The following ANO4 variants were observed in gnomAD, a reference collection of about 807,000 sequenced individuals.
ANO4 encodes the protein anoctamin-4.
A neutral mutation model predicts 141.9 loss-of-function variants in ANO4; 69 were observed. That is an observed-to-expected ratio of 0.49 (90% CI 0.40 to 0.59). The LOEUF is 0.59. Ranked by LOEUF, ANO4 falls within the 20% of genes least tolerant of loss-of-function variation. The probability of loss-of-function intolerance (pLI) is 0.00; values close to 1 mark genes in which losing one functional copy is unlikely to be tolerated. For synonymous variants in ANO4, 350 were observed against 394.3 expected (o/e 0.89, Z 1.33); for missense variants, 894 against 1,162.2 (o/e 0.77, Z 3.36).
rs767571101 is a variant in ANO4 at position 101,083,688 on chromosome 12, G to A, written c.1406G>A (p.Arg469Gln). The A allele has an allele frequency of 6.8e-6, 11 of 1,606,058 alleles. No individual in the cohort carries two copies. The South Asian group carries it at 9.0e-5, about 13-fold the overall frequency. Residue 469 changes from arginine to glutamine, a missense_variant, in exon 16 of 28, where the codon CGA (arginine) becomes CAA (glutamine). Physicochemically the swap from Arg to Gln is conservative, Grantham distance 43 (BLOSUM62 1). This residue lies in a region of ANO4 where 637 missense variants were observed against 909.2 expected (regional missense o/e 0.70). Coordinates refer to ENST00000392977, the MANE Select transcript of ANO4 (RefSeq NM_001286615.2). Reference protein sequence around the residue: ...IDWEEEEEEIRPQFEAKYSKK... With the variant: ...IDWEEEEEEIQPQFEAKYSKK... ...CTGCTTGTCCTTTAGGAAGAAATAC[G>A]ACCCCAGTTTGAAGCCAAGTATTCC...
chr12:100,982,511 T>G (rs1042829627), intron 7 of ANO4, among the ~76,000 whole-genome samples: 1 of 152,234 alleles, frequency 6.6e-6, no homozygotes, highest in African/African-American at 2.4e-5. Context: ...TGAACTTTTA[T>G]TGGGAAAAGA....
intron 17 of ANO4, among the ~76,000 whole-genome samples, chr12:101,091,870 A>G (rs2049791452): frequency 6.6e-6 from 1 of 152,080 alleles, no homozygotes; most frequent in Non-Finnish European, 1.5e-5. Context: ...TTTAAAATTT[A>G]TATTATTTTT....
At chr12:101,125,299 T>A (rs2051262521) in intron 26 of ANO4, among the ~76,000 whole-genome samples, 1 of 152,190 alleles carries the variant, frequency 6.6e-6, no homozygotes, top group Non-Finnish European at 1.5e-5. Context: ...ATACTAATGA[T>A]TTTTGCACAT....
At position 100,742,640 on chromosome 12, in the gene ANO4, CT is replaced by C. The variant is rs569437293; in HGVS notation, c.358+2537del. On this transcript the variant is annotated intron_variant, in intron 3 of 29. Transcript: ENST00000644049. The stretch of plus-strand genomic sequence containing the variant: ...ATTATTCATGGATTGTGAGAATTTT[CT>C]TATGTTTAAGAATTTCCCAAACACA... 1.6e-3 allele frequency among the ~76,000 whole-genome samples: 241 copies of C among 152,222 alleles called. 1 individual carries two copies. The highest frequency in any genetic ancestry group is 2.9e-3 in the Admixed American group (45 of 15,294).
intron 5 of ANO4, among the ~76,000 whole-genome samples, chr12:100,964,464 A>G (rs1257709301): frequency 6.9e-6 from 1 of 145,094 alleles, no homozygotes; most frequent in African/African-American, 2.5e-5. Flanking sequence ...TGCATTCACT[A>G]TGATTTTTTT....
chr12:100,768,463 G>C (rs560415025), intron 3 of ANO4, among the ~76,000 whole-genome samples: 6 of 152,116 alleles, frequency 3.9e-5, no homozygotes, highest in African/African-American at 1.4e-4. Context: ...TCTTTGGGGG[G>C]ACCAGCACTG....
chr12:100,887,801 A>G (rs2039912255), intron 1 of ANO4, among the ~76,000 whole-genome samples: 1 of 152,186 alleles, frequency 6.6e-6, no homozygotes, highest in African/African-American at 2.4e-5. Context: ...TAAACTTACA[A>G]TTGCCTACTT....
chr12:100,979,809 G>A (rs1477773176), intron 7 of ANO4, among the ~76,000 whole-genome samples: 1 of 151,584 alleles, frequency 6.6e-6, no homozygotes, highest in Non-Finnish European at 1.5e-5. Context: ...CTCACTGCAA[G>A]CTCCGCCTCC....
intron 1 of ANO4, among the ~76,000 whole-genome samples, chr12:100,808,795 T>C (rs1221078369): frequency 1.3e-5 from 2 of 152,216 alleles, no homozygotes; most frequent in African/African-American, 2.4e-5. Flanking sequence ...TTTTATCTCT[T>C]CTGACCCTAT....
intron 22 of ANO4, among the ~76,000 whole-genome samples, chr12:101,106,795 T>G (rs1027100360): frequency 1.3e-5 from 2 of 151,842 alleles, no homozygotes; most frequent in African/African-American, 4.8e-5. Flanking sequence ...TATGGAAGTT[T>G]GTTATATCAT....
intron 1 of ANO4, among the ~76,000 whole-genome samples, chr12:100,799,850 G>A (rs908932638): frequency 1.3e-5 from 2 of 152,152 alleles, no homozygotes; most frequent in East Asian, 1.9e-4. Flanking sequence ...TAGCACCTGG[G>A]CCGGATGACT....
chr12:101,065,640 G>T (rs532808699), intron 14 of ANO4, among the ~76,000 whole-genome samples: 1 of 152,082 alleles, frequency 6.6e-6, no homozygotes, highest in Non-Finnish European at 1.5e-5. Flanking sequence ...GTAAAGAAAA[G>T]CCCAGGACCC....
At chr12:100,754,415 A>G (rs1453601047) in intron 3 of ANO4, among the ~76,000 whole-genome samples, 2 of 151,964 alleles carry the variant, frequency 1.3e-5, no homozygotes, top group African/African-American at 2.4e-5. Context: ...TTCCCAGTCT[A>G]TTCCAACCCC....
rs555351369 is a variant in ANO4, at chr12:101,085,321, A to G, written c.1537-1339A>G. 3.3e-5 allele frequency among the ~76,000 whole-genome samples: 5 copies of G among 152,216 alleles called. No individual in the cohort carries two copies. The South Asian group carries it at 6.2e-4, about 19-fold the overall frequency. ...TCAGATTTGCATTAAAGTCAGCCCT[A>G]TGTGTCTGTGGGTTCTGCATTTATG... On this transcript the variant is annotated intron_variant, in intron 16 of 27. Transcript: ENST00000392977.
chr12:100,946,097 C>A (rs1428655732), intron 5 of ANO4, among the ~76,000 whole-genome samples: 1 of 152,112 alleles, frequency 6.6e-6, no homozygotes, highest in Non-Finnish European at 1.5e-5. Context: ...GCAAAGAGAA[C>A]AGCTCCACAG....
chr12:101,027,260 C>A (rs963235765), intron 9 of ANO4, among the ~76,000 whole-genome samples: 1 of 152,202 alleles, frequency 6.6e-6, no homozygotes, highest in African/African-American at 2.4e-5. Context: ...GAACCCACGC[C>A]ACTGGGACCT....
chr12:100,838,741 G>A (rs959861519), intron 1 of ANO4, among the ~76,000 whole-genome samples: 1 of 152,162 alleles, frequency 6.6e-6, no homozygotes, highest in African/African-American at 2.4e-5. Context: ...AATGGGGCAG[G>A]TGGGAATGCT....
chr12:100,959,588 G>A (rs549219378), intron 5 of ANO4, among the ~76,000 whole-genome samples: 28 of 152,244 alleles, frequency 1.8e-4, no homozygotes, highest in African/African-American at 6.5e-4. Context: ...GGTGGCCTGT[G>A]ATCAAATCCA....
chr12:101,098,677 CT>C (rs2050075729), intron 21 of ANO4, among the ~76,000 whole-genome samples: 1 of 152,060 alleles, frequency 6.6e-6, no homozygotes, highest in South Asian at 2.1e-4. Context: ...TTCTATAAAA[CT>C]TTTAAAAAAT....
Sources: allele counts gnomAD v4.1 joint callset (sites outside exome capture counted in the v4.1 genomes callset), GRCh38; gene constraint gnomAD v4.1.1; regional missense constraint gnomAD v4.1.1; transcripts MANE v1.5; gene names NCBI Gene and HGNC (gene_info 2026-07-23, HGNC 2026-07-21).